Variants in DSCAM observed in about 807,000 individuals in gnomAD.
DSCAM encodes the protein cell adhesion molecule DSCAM.
In DSCAM, 47 loss-of-function variants were observed where a neutral mutation model predicts 217.7. That is an observed-to-expected ratio of 0.22 (90% CI 0.17 to 0.28). DSCAM has a LOEUF of 0.28. Ranked by LOEUF, DSCAM falls within the 10% of genes least tolerant of loss-of-function variation. The probability of loss-of-function intolerance (pLI) is 1.00; values close to 1 mark genes in which losing one functional copy is unlikely to be tolerated. For synonymous variants in DSCAM, 1,056 were observed against 1,015.3 expected (o/e 1.04, Z -0.76); for missense variants, 2,080 against 2,618.3 (o/e 0.79, Z 4.49).
intron 3 of DSCAM, among the ~76,000 whole-genome samples, chr21:40,576,610 G>A (rs538755126): frequency 1.4e-4 from 22 of 152,104 alleles, no homozygotes; most frequent in Non-Finnish European, 2.4e-4. Context: ...TTTAACACAG[G>A]AGAACAGAGA....
At chr21:40,463,162 T>C (rs1316025208) in intron 3 of DSCAM, among the ~76,000 whole-genome samples, 1 of 152,162 alleles carries the variant, frequency 6.6e-6, no homozygotes, top group Non-Finnish European at 1.5e-5. Context: ...CTTAGGATAC[T>C]AAAATGATGG....
In DSCAM at chr21:40,183,053, GA is replaced by G. The variant is rs2090849960; in HGVS notation, c.2780-3960del. Among the ~76,000 whole-genome samples the G allele has an allele frequency of 4.3e-5, 3 of 69,870 alleles. 1 individual carries two copies. Among genetic ancestry groups the G allele is most frequent in the Non-Finnish European group, 7.8e-5 (3 of 38,316 alleles). The allele number at this position is 69,870 out of a possible 152,430, so 45.8% of individuals were successfully genotyped here. ...AACCGTGGACAGGAGGGGGCTACCA[GA>G]GAAACCGTGGACAGGAGGGGGCTAC... On this transcript the variant is annotated intron_variant, in intron 14 of 32. Transcript: ENST00000400454.
At chr21:40,559,456 CT>C (rs1294276803) in intron 3 of DSCAM, among the ~76,000 whole-genome samples, 1 of 89,700 alleles carries the variant, frequency 1.1e-5, no homozygotes, top group Non-Finnish European at 2.4e-5. Context: ...GAGACCCCGT[CT>C]CAAAAAAAAA....
chr21:40,146,369 G>C (rs1002165122), intron 16 of DSCAM, among the ~76,000 whole-genome samples: 3 of 152,146 alleles, frequency 2.0e-5, no homozygotes, highest in African/African-American at 7.2e-5. Context: ...GGAGGGAACG[G>C]ACAGAGTGGA....
intron 3 of DSCAM, among the ~76,000 whole-genome samples, chr21:40,612,049 A>C (rs56211238): frequency 6.6e-6 from 1 of 152,140 alleles, no homozygotes; most frequent in African/African-American, 2.4e-5. Context: ...TTGTGAGATG[A>C]GTCTGGTCAG....
chr21:40,118,781 T>C (rs1259651811), intron 20 of DSCAM, among the ~76,000 whole-genome samples: 1 of 152,206 alleles, frequency 6.6e-6, no homozygotes, highest in Non-Finnish European at 1.5e-5. Flanking sequence ...TGACACCCAG[T>C]CCGCGCTCCT....
chr21:40,250,405 C>T (rs1409841655), intron 11 of DSCAM, among the ~76,000 whole-genome samples: 1 of 152,198 alleles, frequency 6.6e-6, no homozygotes, highest in African/African-American at 2.4e-5. Flanking sequence ...GTATATATGA[C>T]ACTATGTGGT....
At chr21:40,701,776 G>A (rs1157846254) in intron 2 of DSCAM, among the ~76,000 whole-genome samples, 2 of 151,824 alleles carry the variant, frequency 1.3e-5, no homozygotes, top group Non-Finnish European at 2.9e-5. Flanking sequence ...ATTTCATTAT[G>A]ATCAAACAAC....
intron 3 of DSCAM, among the ~76,000 whole-genome samples, chr21:40,591,072 C>G (rs184124724): frequency 1.3e-5 from 2 of 151,834 alleles, no homozygotes; most frequent in African/African-American, 2.4e-5. Flanking sequence ...ATGCTGTTCT[C>G]GTGATAGTGA....
intron 9 of DSCAM, among the ~76,000 whole-genome samples, chr21:40,302,862 G>A (rs955151628): frequency 6.6e-6 from 1 of 152,114 alleles, no homozygotes; most frequent in Non-Finnish European, 1.5e-5. Context: ...GTGTGTTGGT[G>A]GGGGGTGGAT....
intron 1 of DSCAM, among the ~76,000 whole-genome samples, chr21:40,772,713 G>A (rs972203773): frequency 6.6e-6 from 1 of 152,120 alleles, no homozygotes; most frequent in Non-Finnish European, 1.5e-5. Flanking sequence ...GATAACTGCC[G>A]GAATGGTGGG....
intron 3 of DSCAM, among the ~76,000 whole-genome samples, chr21:40,372,447 CA>C (rs2074908323): frequency 6.8e-6 from 1 of 147,384 alleles, no homozygotes; most frequent in Non-Finnish European, 1.5e-5. Context: ...AAACATAGTT[CA>C]TACTTTTTGT....
chr21:40,463,081 G>A (rs2075818506), intron 3 of DSCAM, among the ~76,000 whole-genome samples: 1 of 151,960 alleles, frequency 6.6e-6, no homozygotes, highest in African/African-American at 2.4e-5. Flanking sequence ...TTGCTTGATT[G>A]GTCCACATTT....
intron 23 of DSCAM, 91 bp from the exon 24 acceptor site, chr21:40,084,097 C>A: frequency 1.0e-6 from 1 of 961,236 alleles, no homozygotes; most frequent in Non-Finnish European, 1.5e-6. Context: ...TTTTTAACAG[C>A]CATTTATTAA....
At chr21:40,017,287 TTC>T (rs2088176386) in intron 32 of DSCAM, among the ~76,000 whole-genome samples, 1 of 152,160 alleles carries the variant, frequency 6.6e-6, no homozygotes, top group African/African-American at 2.4e-5. Context: ...AGCAAATGAT[TTC>T]TTTGTCATTG....
At chr21:40,179,719 A>T (rs2090778327) in intron 14 of DSCAM, among the ~76,000 whole-genome samples, 1 of 152,336 alleles carries the variant, frequency 6.6e-6, no homozygotes, top group East Asian at 1.9e-4. Context: ...TGGTTGTAGG[A>T]ATTATTTTTC....
chr21:40,338,637 G>A (rs567568372), intron 7 of DSCAM, among the ~76,000 whole-genome samples: 1 of 152,170 alleles, frequency 6.6e-6, no homozygotes, highest in South Asian at 2.1e-4. Flanking sequence ...CAAGATAAAA[G>A]GCAATTTAAT....
At chr21:40,673,457 C>A (rs1331849504) in intron 3 of DSCAM, among the ~76,000 whole-genome samples, 1 of 152,162 alleles carries the variant, frequency 6.6e-6, no homozygotes, top group East Asian at 1.9e-4. Flanking sequence ...GAACTCAAGG[C>A]CTTAAACAAC....
intron 1 of DSCAM, among the ~76,000 whole-genome samples, chr21:40,778,664 G>A (rs1418449129): frequency 6.6e-6 from 1 of 152,078 alleles, no homozygotes; most frequent in Non-Finnish European, 1.5e-5. Context: ...GATGTATAAG[G>A]ATGATAAAGT....
Sources: gnomAD v4.1 joint callset for allele counts (sites outside exome capture counted in the v4.1 genomes callset) on GRCh38, gnomAD v4.1.1 for gene constraint, MANE v1.5 for transcripts, NCBI Gene and HGNC (gene_info 2026-07-23, HGNC 2026-07-21) for gene names.